The following MAGI2 variants were observed in gnomAD, a reference collection of about 807,000 sequenced individuals.
MAGI2 encodes the protein membrane associated guanylate kinase, WW and PDZ domain containing 2.
MAGI2 carries 35 observed loss-of-function variants against 133.3 expected under a neutral mutation model. That is an observed-to-expected ratio of 0.26 (90% CI 0.20 to 0.35). MAGI2 has a LOEUF of 0.35. MAGI2 is among the 10% of genes least tolerant of loss of function. The pLI is 1.00. For synonymous variants in MAGI2, 729 were observed against 710.6 expected (o/e 1.03, Z -0.41); for missense variants, 1,636 against 1,863.4 (o/e 0.88, Z 2.25).
intron 2 of MAGI2, among the ~76,000 whole-genome samples, chr7:78,955,723 CTCTT>C (rs1158477695): frequency 0.1 from 8,633 of 83,014 alleles, 433 homozygotes; most frequent in East Asian, 0.13. Flanking sequence ...TTCTTTCTTT[CTCTT>C]TCTTTCTTTC....
At chr7:78,699,024 T>C (rs1263598246) in intron 2 of MAGI2, among the ~76,000 whole-genome samples, 2 of 152,206 alleles carry the variant, frequency 1.3e-5, no homozygotes, top group African/African-American at 4.8e-5. Flanking sequence ...GAGTCAGAAA[T>C]GATGGTGATA....
chr7:78,717,366 C>A (rs954406060), intron 2 of MAGI2, among the ~76,000 whole-genome samples: 3 of 152,020 alleles, frequency 2.0e-5, no homozygotes, highest in African/African-American at 7.2e-5. Context: ...GATGCAACAT[C>A]TGGGAGAAGA....
At chr7:78,692,713 A>T (rs191926810) in intron 2 of MAGI2, among the ~76,000 whole-genome samples, 1 of 152,214 alleles carries the variant, frequency 6.6e-6, no homozygotes, top group Non-Finnish European at 1.5e-5. Flanking sequence ...TTTGTGATCA[A>T]ATAAATCCGG....
chr7:79,453,282 G>A lies in MAGI2; in HGVS notation c.39C>T (p.Ser13=). 1.2e-6 allele frequency: 2 copies of A among 1,613,836 alleles called. No homozygotes were observed. Among genetic ancestry groups the A allele is most frequent in the Non-Finnish European group, 1.7e-6 (2 of 1,179,898 alleles). The change falls in exon 1 of 22, where the codon AGC becomes AGT. Residue 13 remains serine, a synonymous_variant. Coordinates refer to ENST00000354212, the MANE Select transcript of MAGI2 (RefSeq NM_012301.4). Reference sequence around the variant, plus strand: ...TGCCAATGACACTCTCATGGACTTTGCTAGTCCAGTGGCTTTTCTTTTTCA... The same window carrying A: ...TGCCAATGACACTCTCATGGACTTTACTAGTCCAGTGGCTTTTCTTTTTCA... ...KSLKKKSHWT[S]KVHESVIGRN...
At chr7:79,114,798 G>C (rs1294475719) in intron 1 of MAGI2, among the ~76,000 whole-genome samples, 1 of 152,178 alleles carries the variant, frequency 6.6e-6, no homozygotes, top group Non-Finnish European at 1.5e-5. Context: ...CACACTGCTT[G>C]TTAGTGGCAA....
chr7:79,284,184 C>A (rs986425926), intron 1 of MAGI2, among the ~76,000 whole-genome samples: 6 of 152,026 alleles, frequency 3.9e-5, no homozygotes, highest in Non-Finnish European at 8.8e-5. Context: ...TGTCTCTGAG[C>A]TTTTACATTT....
At chr7:79,040,882 G>T (rs542199473) in intron 1 of MAGI2, among the ~76,000 whole-genome samples, 2 of 152,118 alleles carry the variant, frequency 1.3e-5, no homozygotes, top group South Asian at 2.1e-4. Flanking sequence ...CCAGTCTCAG[G>T]TATTTCTTCA....
chr7:78,799,201 A>C (rs2151382626), intron 2 of MAGI2, among the ~76,000 whole-genome samples: 1 of 152,274 alleles, frequency 6.6e-6, no homozygotes. Context: ...TAGGCAGCGG[A>C]CAACTATTGA....
At chr7:78,044,007 C>T (rs11770654) in intron 21 of MAGI2, among the ~76,000 whole-genome samples, 10,152 of 152,224 alleles carry the variant, frequency 0.067, 343 homozygotes, top group South Asian at 0.077. Flanking sequence ...CTTTACTCCT[C>T]TATTTTCCCA....
intron 2 of MAGI2, among the ~76,000 whole-genome samples, chr7:78,964,931 C>T (rs1803175115): frequency 6.6e-6 from 1 of 151,800 alleles, no homozygotes; most frequent in Admixed American, 6.6e-5. Context: ...GGAGTAAAGG[C>T]TTATTTCTTT....
intron 2 of MAGI2, among the ~76,000 whole-genome samples, chr7:78,838,762 C>T (rs1791877861): frequency 6.6e-6 from 1 of 151,794 alleles, no homozygotes; most frequent in South Asian, 2.1e-4. Context: ...TACAGAGTCA[C>T]AAAACTAATA....
intron 1 of MAGI2, among the ~76,000 whole-genome samples, chr7:79,078,297 G>T (rs1815726124): frequency 6.6e-6 from 1 of 151,198 alleles, no homozygotes; most frequent in African/African-American, 2.4e-5. Context: ...TCCATAGGTG[G>T]TTTTTTTTTT....
intron 7 of MAGI2, among the ~76,000 whole-genome samples, chr7:78,361,877 C>A (rs6974690): frequency 0.9 from 137,447 of 152,236 alleles, 62,227 homozygotes; most frequent in African/African-American, 0.96. Flanking sequence ...GAAGTGTCTC[C>A]CAGCAGGAAA....
At chr7:78,330,106 T>C (rs1314148452) in intron 9 of MAGI2, among the ~76,000 whole-genome samples, 2 of 152,220 alleles carry the variant, frequency 1.3e-5, no homozygotes, top group Non-Finnish European at 2.9e-5. Flanking sequence ...GATAGTCTTA[T>C]GGAGATTCAT....
intron 10 of MAGI2, among the ~76,000 whole-genome samples, chr7:78,209,296 C>G (rs1256112100): frequency 2.4e-5 from 3 of 122,654 alleles, no homozygotes; most frequent in Admixed American, 9.1e-5. Flanking sequence ...GAGTCTCGCT[C>G]TGTTGCCCAG....
chr7:79,234,045 C>T (rs1408515944), intron 1 of MAGI2, among the ~76,000 whole-genome samples: 29 of 141,682 alleles, frequency 2.0e-4, no homozygotes, highest in East Asian at 4.1e-4. Context: ...ATTTCTCCTT[C>T]GCTTATGAAG....
At chr7:78,648,839 G>C (rs1456181059) in intron 2 of MAGI2, among the ~76,000 whole-genome samples, 1 of 152,120 alleles carries the variant, frequency 6.6e-6, no homozygotes, top group Non-Finnish European at 1.5e-5. Flanking sequence ...CAGGAATCCT[G>C]CTGCTTGCCT....
intron 3 of MAGI2, among the ~76,000 whole-genome samples, chr7:78,611,638 G>T (rs1219847536): frequency 6.6e-6 from 1 of 152,122 alleles, no homozygotes; most frequent in African/African-American, 2.4e-5. Context: ...TGTACACAGT[G>T]GTATGGCTTA....
chr7:78,271,810 A>AT (rs1278261356), intron 9 of MAGI2, among the ~76,000 whole-genome samples: 2 of 151,984 alleles, frequency 1.3e-5, no homozygotes, highest in Admixed American at 6.6e-5. Context: ...CCCCTTTATC[A>AT]TTTTTTATTG....
Sources: gnomAD v4.1 joint callset for allele counts (sites outside exome capture counted in the v4.1 genomes callset) on GRCh38, gnomAD v4.1.1 for gene constraint, MANE v1.5 for transcripts, NCBI Gene and HGNC (gene_info 2026-07-23, HGNC 2026-07-21) for gene names.